Variants in INPP5J observed in about 807,000 individuals in gnomAD.
The protein encoded by INPP5J is phosphatidylinositol 4,5-bisphosphate 5-phosphatase A.
INPP5J carries 75 observed loss-of-function variants against 86.6 expected under a neutral mutation model. The observed-to-expected ratio is 0.87, with a 90% CI of 0.72 to 1.05. INPP5J has a LOEUF of 1.05. Among genes scored for constraint, INPP5J ranks in the 50% least tolerant of loss-of-function variants. The probability of loss-of-function intolerance (pLI) is 0.00; values close to 1 mark genes in which losing one functional copy is unlikely to be tolerated. For synonymous variants in INPP5J, 540 were observed against 550.0 expected, an observed-to-expected ratio of 0.98 and a Z score of 0.25; for missense variants, 1,229 against 1,341.2, an observed-to-expected ratio of 0.92 and a Z score of 1.31.
chr22:31,133,405 G>C lies in INPP5J; in HGVS notation c.2332-1G>C, dbSNP rs1392826683. On this transcript the variant is annotated splice_acceptor_variant, in intron 10 of 12. Transcript: ENST00000331075. LOFTEE classifies it high-confidence loss of function. Reference sequence around the variant, plus strand: ...CTGATTCCACAACACTGATCCCCCAGGTGGGTTTCCGCCATTGCAAGGACT... The same window carrying C: ...CTGATTCCACAACACTGATCCCCCACGTGGGTTTCCGCCATTGCAAGGACT... 2.1e-5 allele frequency: 34 copies of C among 1,613,710 alleles called. No individual in the cohort carries two copies. The highest frequency in any genetic ancestry group is 4.0e-5 in the African/African-American group (3 of 74,906).
Position 31,134,373 on chromosome 22 carries a change from G to A in INPP5J, c.2975G>A (p.Ser992Asn). ...EALAPNSLSP[S>N]PQGHRGLEEG... ...CTGGCGCCCAACAGCCTGTCTCCTA[G>A]TCCCCAGGGCCATCGGGGGCTGGAG... Residue 992 changes from serine to asparagine, a missense_variant, in exon 13 of 13, where the codon AGT (serine) becomes AAT (asparagine). Transcript: ENST00000331075. 6.6e-7 allele frequency: 1 copy of A among 1,516,664 alleles called. No individual in the cohort carries two copies. The allele number at this position is 1,516,664 out of a possible 1,614,324, so 94.0% of individuals were successfully genotyped here.
At position 31,126,948 on chromosome 22, in the gene INPP5J, ATCC is replaced by A. The variant is rs1555980602; in HGVS notation, c.1524_1526del (p.Ile508_Leu509delinsMet). On this transcript the variant is annotated inframe_deletion, in exon 5 of 13. Transcript: ENST00000331075. ...GAGTTCGGTGAGGATGCAGGGTGTC[ATCC>A]TGCTGCTGTTCGCCAAGTACTACCA... The A allele has an allele frequency of 4.3e-6, 7 of 1,610,428 alleles. No individual in the cohort carries two copies. Among genetic ancestry groups the A allele is most frequent in the Non-Finnish European group, 5.9e-6 (7 of 1,178,392 alleles).
chr22:31,131,255 G>C (rs1922039155), intron 9 of INPP5J, among the ~76,000 whole-genome samples: 1 of 152,084 alleles, frequency 6.6e-6, no homozygotes, highest in Non-Finnish European at 1.5e-5. Flanking sequence ...ACCTCCTCCA[G>C]GACTCTGTCC....
chr22:31,122,803 C>T, upstream of INPP5J: 1 of 469,496 alleles, frequency 2.1e-6, no homozygotes, highest in Middle Eastern at 5.3e-4. Context: ...ACACTCTCCC[C>T]TCCCCACTCC....
intron 1 of INPP5J, 62 bp downstream of exon 1, chr22:31,123,181 C>T: frequency 9.9e-7 from 1 of 1,014,482 alleles, no homozygotes; most frequent in Non-Finnish European, 1.4e-6. Context: ...ACACCCCCCC[C>T]ACATACACTG....
intron 6 of INPP5J, 39 bp downstream of exon 6, chr22:31,127,571 G>T: frequency 1.3e-6 from 2 of 1,576,792 alleles, no homozygotes; most frequent in Admixed American, 1.8e-5. Flanking sequence ...CTTGGGTGGG[G>T]CTAGTGATGG....
Position 31,126,679 on chromosome 22 carries a change from T to A in INPP5J, c.1452T>A (p.Ser484Arg), listed in dbSNP as rs1309601002. Residue 484 changes from serine (S) to arginine (R), a missense_variant, in exon 4 of 13, where the codon AGT (serine) becomes AGA (arginine). Physicochemically the swap from Ser to Arg is moderately radical, Grantham distance 110. Coordinates refer to ENST00000331075, the MANE Select transcript of INPP5J (RefSeq NM_001284285.2). ...ACGCCCTCTTCACGGACCAGTGGAG[T>A]GAGCTGTTCATGGATGCGCTAGGGC... ...LKDALFTDQWSELFMDALGPF... is the reference protein window; with the variant it reads ...LKDALFTDQWRELFMDALGPF... The A allele has an allele frequency of 6.2e-7, 1 of 1,613,248 alleles. No individual in the cohort carries two copies. Among genetic ancestry groups the A allele is most frequent in the Non-Finnish European group, 8.5e-7 (1 of 1,179,566 alleles).
At chr22:31,122,909 C>T, upstream of INPP5J, 1 of 782,424 alleles carries the variant, frequency 1.3e-6, no homozygotes, top group East Asian at 3.4e-5. Flanking sequence ...GAGCCTGTGC[C>T]TTTAAATTCT....
rs746099671 is a variant in INPP5J at position 31,128,014 on chromosome 22, G to C, written c.1851G>C (p.Lys617Asn). 1.9e-6 allele frequency: 3 copies of C among 1,612,870 alleles called. No individual in the cohort carries two copies. Among genetic ancestry groups the C allele is most frequent in the Non-Finnish European group, 8.5e-7 (1 of 1,179,768 alleles). ...RIESYDLHFV[K>N]FAIDSDQLHQ... ...AGAGCTATGACCTGCACTTTGTCAA[G>C]TTTGCCATCGACAGTGACCAGCTCC... Residue 617 changes from lysine to asparagine, a missense_variant, in exon 7 of 13, where the codon AAG (lysine) becomes AAC (asparagine). By Grantham distance (94) the Lys-to-Asn change is moderately conservative. Coordinates refer to ENST00000331075, the MANE Select transcript of INPP5J (RefSeq NM_001284285.2).
In INPP5J at chr22:31,124,841, C is replaced by A; in HGVS notation, c.106-4C>A. 6.2e-7 allele frequency: 1 copy of A among 1,607,400 alleles called. No homozygotes were observed. The highest frequency in any genetic ancestry group is 8.5e-7 in the Non-Finnish European group (1 of 1,175,292). Reference sequence around the variant, plus strand: ...CTCTGAATCTTTGACTTGTCCTCCACAAGGTGGACTCAAGTTTTCAGCTCC... The same window carrying A: ...CTCTGAATCTTTGACTTGTCCTCCAAAAGGTGGACTCAAGTTTTCAGCTCC... On this transcript the variant is annotated splice_polypyrimidine_tract_variant and splice_region_variant and intron_variant, in intron 1 of 12. Coordinates refer to ENST00000331075, the MANE Select transcript of INPP5J (RefSeq NM_001284285.2).
At position 31,127,012 on chromosome 22, in the gene INPP5J, C is replaced by G. The variant is rs768472551; in HGVS notation, c.1586C>G (p.Thr529Arg). ...CTGCGAGACGTGCAGACCGACTGCA[C>G]GCGCACTGGCCTGGGCGGCTACTGG... ...PFLRDVQTDCTRTGLGGYWGN... is the reference protein window; with the variant it reads ...PFLRDVQTDCRRTGLGGYWGN... Residue 529 changes from threonine to arginine, a missense_variant, in exon 5 of 13, where the codon ACG becomes AGG. Thr to Arg is a moderately conservative substitution (Grantham distance 71). Transcript: ENST00000331075. The G allele has an allele frequency of 1.6e-5, 25 of 1,605,114 alleles. No individual in the cohort carries two copies. The highest frequency in any genetic ancestry group is 1.5e-5 in the Non-Finnish European group (18 of 1,175,834).
At chr22:31,124,818 C>T (rs1281973740) in intron 1 of INPP5J, 27 bp from the exon 2 acceptor site, 1 of 1,591,764 alleles carries the variant, frequency 6.3e-7, no homozygotes, top group Non-Finnish European at 8.6e-7. Context: ...TAGGGTCACT[C>T]TGAATCTTTG....
At chr22:31,129,223 T>C (rs7292187) in intron 9 of INPP5J, among the ~76,000 whole-genome samples, 97,441 of 133,474 alleles carry the variant, frequency 0.73, 36,501 homozygotes, top group South Asian at 0.92. Flanking sequence ...AGCTACCGTG[T>C]CTGGCCAACT....
At chr22:31,130,079 C>T (rs780976216) in intron 9 of INPP5J, among the ~76,000 whole-genome samples, 9 of 151,992 alleles carry the variant, frequency 5.9e-5, no homozygotes, top group Admixed American at 6.6e-5. Context: ...CAGTGGCTCA[C>T]GCCTGTAATC....
At chr22:31,132,946 A>G (rs2413027) in intron 9 of INPP5J, among the ~76,000 whole-genome samples, 152 bp from the exon 10 acceptor site, 3 of 151,952 alleles carry the variant, frequency 2.0e-5, no homozygotes, top group Non-Finnish European at 4.4e-5. Context: ...AGGGCTTGGT[A>G]TTTATACTAG....
chr22:31,124,927 G>A lies in INPP5J; in HGVS notation c.188G>A (p.Gly63Glu), dbSNP rs1921220952. 15 of 1,613,644 alleles carry A rather than the reference G, an allele frequency of 9.3e-6. No homozygotes were observed. Among genetic ancestry groups the A allele is most frequent in the Non-Finnish European group, 1.3e-5 (15 of 1,179,750 alleles). The change falls in exon 2 of 13, where the codon GGG becomes GAG. Residue 63 changes from glycine (G) to glutamate (E), a missense_variant. Transcript: ENST00000331075. ...CCAAGGTTGGCTCTGGCACCTGTAGGGCCACGGGCAGCTATGTCAGCTTCC... is the reference window on the plus strand; with the variant it reads ...CCAAGGTTGGCTCTGGCACCTGTAGAGCCACGGGCAGCTATGTCAGCTTCC... ...SEPRLALAPV[G>E]PRAAMSASSE... is the part of the protein sequence containing the mutation.
rs372064167 is a variant in INPP5J at position 31,134,097 on chromosome 22, G to T, written c.2699G>T (p.Arg900Leu). Residue 900 changes from arginine to leucine, a missense_variant, in exon 13 of 13, where the codon CGG becomes CTG. By Grantham distance (102) the Arg-to-Leu change is moderately radical (BLOSUM62 -2). Coordinates refer to ENST00000331075, the MANE Select transcript of INPP5J (RefSeq NM_001284285.2). ...GCCAGGTTCCCTGGGCTTGCCCTAC[G>T]GCCCTCATCCCGTGAACGCCGTGGT... ...GLARFPGLALRPSSRERRGAS... is the reference protein window; with the variant it reads ...GLARFPGLALLPSSRERRGAS... 6.4e-7 allele frequency: 1 copy of T among 1,557,046 alleles called. No individual in the cohort carries two copies. The highest frequency in any genetic ancestry group is 8.7e-7 in the Non-Finnish European group (1 of 1,151,132).
Position 31,125,292 on chromosome 22 carries a change from C to T in INPP5J, c.553C>T (p.Leu185=). ...GPKPTLAASG[L]SLALASEEQP... is the part of the protein sequence containing the mutation. ...CAAGCCAACACTGGCAGCCTCTGGC[C>T]TGAGCCTGGCCCTGGCTTCTGAGGA... is the stretch of plus-strand genomic sequence containing the variant. The change falls in exon 2 of 13, where the codon CTG becomes TTG. Residue 185 remains leucine, a synonymous_variant. Coordinates refer to ENST00000331075, the MANE Select transcript of INPP5J (RefSeq NM_001284285.2). 1 of 1,550,570 alleles carries T rather than the reference C, an allele frequency of 6.4e-7. No individual in the cohort carries two copies. The highest frequency in any genetic ancestry group is 8.7e-7 in the Non-Finnish European group (1 of 1,146,992).
chr22:31,128,578 C>T lies in INPP5J; in HGVS notation c.2117C>T (p.Thr706Met), dbSNP rs752471975. ...SGRKSHRLQV[T>M]QHSYRSHMEY... ...CGGAAGAGCCACCGACTCCAGGTGA[C>T]GCAGCACAGCTACCGCAGCCACATG... Residue 706 changes from threonine to methionine, a missense_variant, in exon 9 of 13, where the codon ACG becomes ATG. By Grantham distance (81) the Thr-to-Met change is moderately conservative (BLOSUM62 -1). Coordinates refer to ENST00000331075, the MANE Select transcript of INPP5J (RefSeq NM_001284285.2). 6.8e-6 allele frequency: 11 copies of T among 1,612,962 alleles called. No homozygotes were observed. Among genetic ancestry groups the T allele is most frequent in the South Asian group, 4.4e-5 (4 of 91,024 alleles).
Sources: allele counts gnomAD v4.1 joint callset (sites outside exome capture counted in the v4.1 genomes callset), GRCh38; gene constraint gnomAD v4.1.1; transcripts MANE v1.5; gene names NCBI Gene and HGNC (gene_info 2026-07-23, HGNC 2026-07-21).